The following SEC14L5 variants were observed in gnomAD, a reference collection of about 807,000 sequenced individuals.
SEC14L5 encodes the protein SEC14 like lipid binding 5, also known as SEC14-like protein 5.
Under a neutral mutation model 84.6 loss-of-function variants are expected in SEC14L5, and 96 were observed. That is an observed-to-expected ratio of 1.13 (90% confidence interval 0.96 to 1.34). The LOEUF is 1.34. SEC14L5 is among the 40% of genes most tolerant of loss of function. SEC14L5 has a pLI of 0.00. For missense variants in SEC14L5, 1,224 were observed against 942.5 expected (o/e 1.30, Z -3.91); for synonymous variants, 546 against 383.4 (o/e 1.42, Z -4.95).
In SEC14L5 at chr16:5,003,507, C is replaced by T. The variant is rs766097965; in HGVS notation, c.1236C>T (p.Tyr412=). The change falls in exon 11 of 16, where the codon TAC becomes TAT. Residue 412 remains tyrosine, a synonymous_variant. Transcript: ENST00000251170. ...TGATTGAGGTGGTTGAGGACAATTA[C>T]CCAGAGACCCTGGGTCGGCTGCTCA... The part of the protein sequence containing the change: ...LRMIEVVEDN[Y]PETLGRLLIV... 6.2e-6 allele frequency: 10 copies of T among 1,613,022 alleles called. No individual in the cohort carries two copies. In the Admixed American group the frequency reaches 1.2e-4, roughly 19 times the overall value.
chr16:4,990,956 A>C, intron 5 of SEC14L5, 61 bp downstream of exon 5: 2 of 1,413,792 alleles, frequency 1.4e-6, no homozygotes, highest in South Asian at 2.8e-5. Context: ...TGCCATCAAC[A>C]GCTGCATGAC....
intron 2 of SEC14L5, among the ~76,000 whole-genome samples, chr16:4,964,090 G>C (rs909348138): frequency 6.6e-6 from 1 of 152,194 alleles, no homozygotes; most frequent in Non-Finnish European, 1.5e-5. Flanking sequence ...GAGGCAGCTG[G>C]AGTATCCAGT....
chr16:5,002,420 C>T (rs1955687203), intron 10 of SEC14L5, among the ~76,000 whole-genome samples: 1 of 151,922 alleles, frequency 6.6e-6, no homozygotes, highest in Admixed American at 6.6e-5. Context: ...CCTCAGCCTC[C>T]CAGGTAGCTG....
Position 5,011,286 on chromosome 16 carries a change from C to G in SEC14L5, c.1979+13C>G, listed in dbSNP as rs7197329. 1,690 of 1,608,084 alleles carry G rather than the reference C, an allele frequency of 1.1e-3. 18 individuals carry two copies. In the East Asian group the frequency reaches 0.024, roughly 23 times the overall value. On this transcript the variant is annotated intron_variant, in intron 15 of 15. Coordinates refer to ENST00000251170, the MANE Select transcript of SEC14L5 (RefSeq NM_014692.2). ...CTGAGGACTTCAGGTAGGAGGGCTC[C>G]GGAGCGGGGTCCTGGGCAGGAAGGA... is the stretch of plus-strand genomic sequence containing the variant.
intron 3 of SEC14L5, 38 bp from the exon 4 acceptor site, chr16:4,988,111 G>T (rs201210805): frequency 1.2e-6 from 2 of 1,608,108 alleles, no homozygotes; most frequent in African/African-American, 2.7e-5. Context: ...GCTCCACGCC[G>T]CCCACCCACC....
At chr16:4,977,575 A>C (rs1392019648) in intron 2 of SEC14L5, among the ~76,000 whole-genome samples, 1 of 151,796 alleles carries the variant, frequency 6.6e-6, no homozygotes, top group African/African-American at 2.4e-5. Context: ...TCTGGACCTC[A>C]ACTGTGATGA....
chr16:4,964,389 C>A (rs1242447085), intron 2 of SEC14L5, among the ~76,000 whole-genome samples: 1 of 152,056 alleles, frequency 6.6e-6, no homozygotes, highest in Non-Finnish European at 1.5e-5. Flanking sequence ...GAGATCAAGA[C>A]CATCCTGACC....
intron 12 of SEC14L5, among the ~76,000 whole-genome samples, chr16:5,007,071 G>A (rs1955740146): frequency 6.6e-6 from 1 of 152,182 alleles, no homozygotes; most frequent in Admixed American, 6.5e-5. Flanking sequence ...TGTGACGAAC[G>A]TGGGTTTGTG....
chr16:5,006,061 T>A lies in SEC14L5; in HGVS notation c.1437+13T>A, dbSNP rs774758600. 3.1e-6 allele frequency: 5 copies of A among 1,612,686 alleles called. No homozygotes were observed. In the East Asian group the frequency reaches 1.1e-4, roughly 36 times the overall value. On this transcript the variant is annotated intron_variant, in intron 12 of 15. Coordinates refer to ENST00000251170, the MANE Select transcript of SEC14L5 (RefSeq NM_014692.2). ...GGGAGAGAGTGTGGTGAGGCTTCCA[T>A]GTCCACAGACAGACCTGGGCTTGAG...
intron 11 of SEC14L5, 51 bp downstream of exon 11, chr16:5,003,624 G>GGGGCCCCCC: frequency 6.6e-6 from 2 of 305,312 alleles, no homozygotes; most frequent in Non-Finnish European, 1.3e-5. Context: ...GGTGGGATGG[G>GGGGCCCCCC]AGGGGTTCCG....
At chr16:4,978,175 G>A (rs1955370820) in intron 2 of SEC14L5, among the ~76,000 whole-genome samples, 1 of 64,016 alleles carries the variant, frequency 1.6e-5, no homozygotes, top group Non-Finnish European at 2.9e-5. Flanking sequence ...AGCACTTTGG[G>A]AGGGCGAGAC....
intron 3 of SEC14L5, 138 bp downstream of exon 3, chr16:4,987,844 G>A (rs1955509405): frequency 4.2e-6 from 3 of 716,246 alleles, no homozygotes; most frequent in Middle Eastern, 8.0e-4. Flanking sequence ...TTTGGATGGA[G>A]GTTCCAGGAT....
chr16:4,987,540 T>C lies in SEC14L5; in HGVS notation c.64-17T>C. 1.3e-6 allele frequency: 2 copies of C among 1,505,390 alleles called. No individual in the cohort carries two copies. Among genetic ancestry groups the C allele is most frequent in the Non-Finnish European group, 1.8e-6 (2 of 1,116,654 alleles). The allele number at this position is 1,505,390 out of a possible 1,614,324, so 93.3% of individuals were successfully genotyped here. On this transcript the variant is annotated splice_polypyrimidine_tract_variant and intron_variant, in intron 2 of 15. Transcript: ENST00000251170. The stretch of plus-strand genomic sequence containing the variant: ...TGCCCCCCCCACCACGGCCGCTCAC[T>C]GCCGCTCTGCCCCCAGGCCTACGAG...
rs561440745 is a variant in SEC14L5 at position 5,017,227 on chromosome 16, G to C, written c.*2257G>C. The C allele has an allele frequency of 6.6e-6, 1 of 152,332 alleles. No individual in the cohort carries two copies. The highest frequency in any genetic ancestry group is 6.5e-5 in the Admixed American group (1 of 15,298). The allele number at this position is 152,332 out of a possible 1,614,324, so 9.4% of individuals were successfully genotyped here. ...TATCAGCTGTCCACCCTTAACAGTG[G>C]GGGTGAGGAACCTCAGGCCCTTTCA... On this transcript the variant is annotated 3_prime_UTR_variant, in exon 16 of 16. Coordinates refer to ENST00000251170, the MANE Select transcript of SEC14L5 (RefSeq NM_014692.2).
intron 2 of SEC14L5, among the ~76,000 whole-genome samples, chr16:4,969,820 C>CTTT (rs1050575299): frequency 1.4e-5 from 2 of 141,306 alleles, no homozygotes; most frequent in Non-Finnish European, 1.5e-5. Flanking sequence ...TTTTTCTTTC[C>CTTT]TTTTTTTTTT....
At chr16:4,976,194 T>C (rs1053543948) in intron 2 of SEC14L5, among the ~76,000 whole-genome samples, 5 of 152,202 alleles carry the variant, frequency 3.3e-5, no homozygotes, top group Non-Finnish European at 7.3e-5. Context: ...TTCTGACAAG[T>C]AGCAAGGTAG....
chr16:4,987,500 G>GA lies in SEC14L5; in HGVS notation c.64-57_64-56insA. 2.4e-6 allele frequency: 3 copies of GA among 1,258,038 alleles called. No individual in the cohort carries two copies. In the Middle Eastern group the frequency reaches 6.0e-4, roughly 250 times the overall value. The allele number at this position is 1,258,038 out of a possible 1,614,324, so 77.9% of individuals were successfully genotyped here. A position where few individuals can be genotyped will look rare whatever the true frequency, so the allele number is the denominator to read the frequency against. On this transcript the variant is annotated intron_variant, in intron 2 of 15. Transcript: ENST00000251170. ...ACAGCAGATAAGGAGGTCGCGCTGG[G>GA]GGGGGGGGTCCCTCTGCCCCCCCCA...
chr16:4,994,105 A>G (rs1374637401), intron 6 of SEC14L5, among the ~76,000 whole-genome samples: 1 of 151,548 alleles, frequency 6.6e-6, no homozygotes, highest in African/African-American at 2.4e-5. Context: ...TCAAGCTTTT[A>G]TGGACATGGA....
chr16:4,995,084 G>T (rs1955595358), intron 6 of SEC14L5, among the ~76,000 whole-genome samples: 1 of 152,156 alleles, frequency 6.6e-6, no homozygotes, highest in Non-Finnish European at 1.5e-5. Context: ...GATGGCTCCT[G>T]GCACAGCAGT....
Sources: gnomAD v4.1 joint callset for allele counts (sites outside exome capture counted in the v4.1 genomes callset) on GRCh38, gnomAD v4.1.1 for gene constraint, MANE v1.5 for transcripts, NCBI Gene and HGNC (gene_info 2026-07-23, HGNC 2026-07-21) for gene names.